Variants in CRCP observed in about 807,000 individuals in gnomAD.
The protein encoded by CRCP is DNA-directed RNA polymerase III subunit RPC9.
A neutral mutation model predicts 18.5 loss-of-function variants in CRCP; 18 were observed. The ratio of observed to expected loss-of-function variants is 0.97; its 90% CI spans 0.67 to 1.44. The LOEUF is 1.44. CRCP is among the 40% of genes most tolerant of loss of function. CRCP has a pLI of 0.00. For synonymous variants in CRCP, 53 were observed against 62.9 expected (o/e 0.84, Z 0.75); for missense variants, 130 against 176.4 (o/e 0.74, Z 1.49).
intron 4 of CRCP, among the ~76,000 whole-genome samples, chr7:66,139,429 T>A (rs1232694541): frequency 6.6e-6 from 1 of 152,244 alleles, no homozygotes; most frequent in Non-Finnish European, 1.5e-5. Flanking sequence ...ATAGTTAGAA[T>A]CTTGATAATT....
intron 4 of CRCP, among the ~76,000 whole-genome samples, chr7:66,136,934 C>G (rs1190632587): frequency 6.6e-6 from 1 of 151,424 alleles, no homozygotes. Context: ...AAAAAATTAG[C>G]CGGGTGTGGT....
intron 4 of CRCP, among the ~76,000 whole-genome samples, chr7:66,136,684 G>A (rs1787981151): frequency 6.6e-6 from 1 of 151,764 alleles, no homozygotes; most frequent in African/African-American, 2.4e-5. Flanking sequence ...TTTTTGAATT[G>A]ACTTGTTGAT....
At chr7:66,137,759 A>G (rs1191566604) in intron 4 of CRCP, among the ~76,000 whole-genome samples, 1 of 152,182 alleles carries the variant, frequency 6.6e-6, no homozygotes, top group Non-Finnish European at 1.5e-5. Context: ...CTAGGTTACT[A>G]GTAGGGTTAA....
chr7:66,145,537 G>T, intron 5 of CRCP, 37 bp downstream of exon 5: 1 of 1,610,320 alleles, frequency 6.2e-7, no homozygotes, highest in South Asian at 1.1e-5. Flanking sequence ...AGGCTGCTGT[G>T]GGTCTGAGAT....
rs1788500787 is a variant in CRCP at position 66,152,287 on chromosome 7, C to A, written c.377C>A (p.Ala126Glu). 1 of 1,613,990 alleles carries A rather than the reference C, an allele frequency of 6.2e-7. No individual in the cohort carries two copies. The change falls in exon 6 of 6, where the codon GCA becomes GAA. Residue 126 changes from alanine to glutamate, a missense_variant. Coordinates refer to ENST00000395326, the MANE Select transcript of CRCP (RefSeq NM_014478.5). ...LLHTVTSILP[A>E]EPEAEQKKNT... ...CACACCGTCACCAGCATTCTGCCTG[C>A]AGAGCCAGAGGCTGAGCAGAAGAAG... is the stretch of plus-strand genomic sequence containing the variant.
chr7:66,143,852 G>A (rs62465476), intron 4 of CRCP, among the ~76,000 whole-genome samples: 243 of 152,248 alleles, frequency 1.6e-3, no homozygotes, highest in African/African-American at 5.5e-3. Context: ...AAATGGTAGT[G>A]GCGGCCTCTG....
rs1377035603 is a variant in CRCP at position 66,137,964 on chromosome 7, TA to T, written c.239+3592del. Among the ~76,000 whole-genome samples the T allele has an allele frequency of 2.7e-4, 41 of 152,374 alleles. No individual in the cohort carries two copies. The Middle Eastern group carries it at 0.014, about 51-fold the overall frequency. ...GTATTCTTACATATTTTAAAGAACT[TA>T]AGAGAACAAAAATAGTCTTTTTGTC... On this transcript the variant is annotated intron_variant, in intron 4 of 5. Transcript: ENST00000395326.
At chr7:66,122,868 A>G (rs565384998) in intron 1 of CRCP, among the ~76,000 whole-genome samples, 4 of 151,916 alleles carry the variant, frequency 2.6e-5, no homozygotes, top group African/African-American at 9.7e-5. Context: ...AAGTCCCTGG[A>G]CTTTTTTCTA....
Position 66,153,655 on chromosome 7 carries a change from A to G in CRCP, c.*1298A>G, listed in dbSNP as rs956983322. On this transcript the variant is annotated 3_prime_UTR_variant, in exon 6 of 6. Transcript: ENST00000395326. ...ATTGGCGCTCTTATTTTCAATGCTA[A>G]TTGGATTACTTCTCTTCCAACCCTC... is the stretch of plus-strand genomic sequence containing the variant. 26 of 152,118 alleles carry G rather than the reference A, an allele frequency of 1.7e-4. No individual in the cohort carries two copies. The highest frequency in any genetic ancestry group is 5.5e-4 in the African/African-American group (23 of 41,500). 9.4% of individuals were successfully genotyped at this position (152,118 alleles called of 1,614,324 possible).
At chr7:66,138,530 A>AG (rs145330088) in intron 4 of CRCP, among the ~76,000 whole-genome samples, 5,486 of 151,152 alleles carry the variant, frequency 0.036, 156 homozygotes, top group East Asian at 0.083. Flanking sequence ...TCACGCCTGT[A>AG]ATCCCAGCAC....
intron 1 of CRCP, among the ~76,000 whole-genome samples, chr7:66,120,308 A>G (rs1449175491): frequency 1.3e-5 from 2 of 152,252 alleles, no homozygotes; most frequent in African/African-American, 2.4e-5. Flanking sequence ...TTCATTAGCT[A>G]GCATCCTAGT....
At chr7:66,125,787 G>A (rs561205282) in intron 1 of CRCP, among the ~76,000 whole-genome samples, 51 of 149,328 alleles carry the variant, frequency 3.4e-4, no homozygotes, top group African/African-American at 1.1e-3. Flanking sequence ...GTGCACCTGC[G>A]ATGGATCCAT....
intron 4 of CRCP, among the ~76,000 whole-genome samples, chr7:66,138,991 T>C: frequency 6.6e-6 from 1 of 152,160 alleles, no homozygotes; most frequent in Non-Finnish European, 1.5e-5. Context: ...CCCAATCTCT[T>C]TCTCCTCCTT....
chr7:66,122,639 T>TG (rs1031572617), intron 1 of CRCP, among the ~76,000 whole-genome samples: 16 of 151,638 alleles, frequency 1.1e-4, no homozygotes, highest in African/African-American at 3.9e-4. Context: ...ACAGTTGTTT[T>TG]GTTTTTTTTT....
chr7:66,123,765 TG>T (rs1045254777), intron 1 of CRCP, among the ~76,000 whole-genome samples: 5 of 131,780 alleles, frequency 3.8e-5, no homozygotes, highest in African/African-American at 5.7e-5. Flanking sequence ...AAAAAAAAGG[TG>T]GGGGGGCCGG....
At chr7:66,124,651 G>T (rs2115892006) in intron 1 of CRCP, among the ~76,000 whole-genome samples, 1 of 152,160 alleles carries the variant, frequency 6.6e-6, no homozygotes, top group South Asian at 2.1e-4. Flanking sequence ...GAGTAGCTGG[G>T]ATGACAGGTG....
At chr7:66,145,799 T>C (rs755962216) in intron 5 of CRCP, among the ~76,000 whole-genome samples, 3 of 152,204 alleles carry the variant, frequency 2.0e-5, no homozygotes, top group Non-Finnish European at 4.4e-5. Context: ...GCCAACCAGA[T>C]GTTGCATAAA....
chr7:66,148,401 C>T (rs1788362178), intron 5 of CRCP, among the ~76,000 whole-genome samples: 1 of 152,212 alleles, frequency 6.6e-6, no homozygotes, highest in Admixed American at 6.5e-5. Flanking sequence ...GTTTCACTTA[C>T]AGTGGCAAGC....
At chr7:66,152,150 G>A in intron 5 of CRCP, 58 bp from the exon 6 acceptor site, 1 of 1,591,192 alleles carries the variant, frequency 6.3e-7, no homozygotes, top group Non-Finnish European at 8.6e-7. Flanking sequence ...AGTGGGCAGG[G>A]CTGCCCAAGG....
Sources: allele counts gnomAD v4.1 joint callset (sites outside exome capture counted in the v4.1 genomes callset), GRCh38; gene constraint gnomAD v4.1.1; transcripts MANE v1.5; gene names NCBI Gene and HGNC (gene_info 2026-07-23, HGNC 2026-07-21).